Variants in CDH13 observed in about 807,000 individuals in gnomAD.
CDH13 encodes cadherin-13.
Under a neutral mutation model 63.8 loss-of-function variants are expected in CDH13, and 24 were observed. The ratio of observed to expected loss-of-function variants is 0.38; its 90% CI spans 0.27 to 0.53. The LOEUF (loss-of-function observed/expected upper bound fraction) is 0.53, where lower values mean the gene tolerates loss of function less well. CDH13 is among the 20% of genes least tolerant of loss of function. CDH13 has a pLI of 0.85. For missense variants in CDH13, 1,049 were observed against 903.1 expected, an observed-to-expected ratio of 1.16 and a Z score of -2.07; for synonymous variants, 503 against 355.3, an observed-to-expected ratio of 1.42 and a Z score of -4.67.
At chr16:82,967,698 T>C (rs530077724) in intron 2 of CDH13, among the ~76,000 whole-genome samples, 8 of 152,206 alleles carry the variant, frequency 5.3e-5, no homozygotes, top group African/African-American at 1.9e-4. Context: ...CCGGCAGTTG[T>C]TGCATTTGTG....
chr16:82,807,076 T>C (rs992154490), intron 1 of CDH13, among the ~76,000 whole-genome samples: 1 of 149,294 alleles, frequency 6.7e-6, no homozygotes, highest in East Asian at 2.0e-4. Flanking sequence ...GCTTTTGCAG[T>C]TGGGATCATG....
At chr16:83,372,915 T>A (rs886357910) in intron 6 of CDH13, among the ~76,000 whole-genome samples, 3 of 152,130 alleles carry the variant, frequency 2.0e-5, no homozygotes, top group African/African-American at 7.2e-5. Flanking sequence ...TGAATATGGA[T>A]CTAGGGAAGC....
chr16:83,353,456 G>C (rs1257746933), intron 6 of CDH13, among the ~76,000 whole-genome samples: 1 of 152,260 alleles, frequency 6.6e-6, no homozygotes, highest in African/African-American at 2.4e-5. Flanking sequence ...GCTCATGGGA[G>C]CTGGATACCA....
At chr16:82,768,552 T>C (rs1284471276) in intron 1 of CDH13, among the ~76,000 whole-genome samples, 1 of 152,230 alleles carries the variant, frequency 6.6e-6, no homozygotes, top group Non-Finnish European at 1.5e-5. Flanking sequence ...GCTTTTTATA[T>C]CTTCAAAAAT....
chr16:82,796,994 C>A (rs545969367), intron 1 of CDH13, among the ~76,000 whole-genome samples: 6 of 152,206 alleles, frequency 3.9e-5, no homozygotes, highest in African/African-American at 1.4e-4. Context: ...TCAACTTTTT[C>A]TTCTGCCAAA....
At chr16:82,755,734 A>G (rs2034589419) in intron 1 of CDH13, among the ~76,000 whole-genome samples, 1 of 152,236 alleles carries the variant, frequency 6.6e-6, no homozygotes, top group Non-Finnish European at 1.5e-5. Context: ...AACCAAAACA[A>G]GAACTAAACT....
chr16:82,817,135 C>G (rs1421962844), intron 1 of CDH13, among the ~76,000 whole-genome samples: 4 of 152,032 alleles, frequency 2.6e-5, no homozygotes, highest in Admixed American at 6.6e-5. Flanking sequence ...TGTACTTTGT[C>G]TTGACTCTCC....
At chr16:83,367,784 G>C (rs1567621198) in intron 6 of CDH13, among the ~76,000 whole-genome samples, 1 of 151,932 alleles carries the variant, frequency 6.6e-6, no homozygotes, top group Admixed American at 6.6e-5. Flanking sequence ...TATAAATTTT[G>C]AAATCAACGT....
At chr16:83,457,051 T>C (rs1446379731) in intron 6 of CDH13, among the ~76,000 whole-genome samples, 1 of 152,166 alleles carries the variant, frequency 6.6e-6, no homozygotes, top group African/African-American at 2.4e-5. Flanking sequence ...GGGTCTGATA[T>C]GGCTTGATTT....
At chr16:83,101,188 T>A (rs1037096098) in intron 3 of CDH13, among the ~76,000 whole-genome samples, 1 of 151,060 alleles carries the variant, frequency 6.6e-6, no homozygotes, top group African/African-American at 2.4e-5. Flanking sequence ...CTCTTCTTAA[T>A]AGAAAAGTAT....
intron 1 of CDH13, among the ~76,000 whole-genome samples, chr16:82,687,403 C>G (rs927313829): frequency 6.6e-6 from 1 of 152,164 alleles, no homozygotes; most frequent in Non-Finnish European, 1.5e-5. Flanking sequence ...CTAATAAAGA[C>G]ATACCTGAGG....
chr16:83,764,986 C>G (rs1276602823), intron 11 of CDH13, among the ~76,000 whole-genome samples: 1 of 152,226 alleles, frequency 6.6e-6, no homozygotes, highest in African/African-American at 2.4e-5. Context: ...CCTTCATCCT[C>G]TCTACAAGGT....
chr16:83,597,793 A>AT (rs1907412580), intron 7 of CDH13, among the ~76,000 whole-genome samples: 1 of 152,202 alleles, frequency 6.6e-6, no homozygotes, highest in Non-Finnish European at 1.5e-5. Flanking sequence ...GGAGATAGAA[A>AT]TTGGTTCATT....
intron 10 of CDH13, among the ~76,000 whole-genome samples, chr16:83,699,810 C>A (rs1374610321): frequency 6.6e-6 from 1 of 152,168 alleles, no homozygotes; most frequent in Non-Finnish European, 1.5e-5. Flanking sequence ...TCTCAGCATC[C>A]CATCCGTCTG....
At chr16:82,962,734 T>G (rs1447424573) in intron 2 of CDH13, among the ~76,000 whole-genome samples, 1 of 152,238 alleles carries the variant, frequency 6.6e-6, no homozygotes, top group East Asian at 1.9e-4. Context: ...ACTGGTTGTT[T>G]CATTAAATTT....
At chr16:82,907,943 T>C (rs2041703904) in intron 2 of CDH13, among the ~76,000 whole-genome samples, 1 of 152,220 alleles carries the variant, frequency 6.6e-6, no homozygotes, top group East Asian at 1.9e-4. Flanking sequence ...AAAAATTTTT[T>C]TCCACTTCCC....
intron 4 of CDH13, among the ~76,000 whole-genome samples, chr16:83,166,296 T>C (rs910906557): frequency 6.6e-6 from 1 of 152,050 alleles, no homozygotes; most frequent in African/African-American, 2.4e-5. Context: ...ATCTCTAACA[T>C]GGTGTTTAAG....
chr16:82,666,913 G>A lies in CDH13; in HGVS notation c.45+39776G>A, dbSNP rs183510132. 4.6e-5 allele frequency among the ~76,000 whole-genome samples: 7 copies of A among 152,272 alleles called. No individual in the cohort carries two copies. The East Asian group carries it at 1.4e-3, about 29-fold the overall frequency. On this transcript the variant is annotated intron_variant, in intron 1 of 13. Transcript: ENST00000567109. Reference sequence around the variant, plus strand: ...GTCAAGATGGGTGACAATTACAACAGAGAAATGATGTAAAATGCAGTGTGT... The same window carrying A: ...GTCAAGATGGGTGACAATTACAACAAAGAAATGATGTAAAATGCAGTGTGT...
intron 1 of CDH13, among the ~76,000 whole-genome samples, chr16:82,818,418 G>A (rs1419186118): frequency 6.6e-6 from 1 of 152,120 alleles, no homozygotes; most frequent in Non-Finnish European, 1.5e-5. Flanking sequence ...GGAACCCTAA[G>A]TATGTTCATC....
Sources: allele counts gnomAD v4.1 joint callset (sites outside exome capture counted in the v4.1 genomes callset), GRCh38; gene constraint gnomAD v4.1.1; transcripts MANE v1.5; gene names NCBI Gene and HGNC (gene_info 2026-07-23, HGNC 2026-07-21).